Variants in BTBD2 observed in about 807,000 individuals in gnomAD.
The protein encoded by BTBD2 is BTB domain containing 2, also known as BTB/POZ domain-containing protein 2.
A neutral mutation model predicts 44.0 loss-of-function variants in BTBD2; 15 were observed. The observed-to-expected ratio is 0.34, with a 90% CI of 0.23 to 0.53. The LOEUF is 0.53. Ranked by LOEUF, BTBD2 falls within the 20% of genes least tolerant of loss-of-function variation. The probability of loss-of-function intolerance (pLI) is 0.95; values close to 1 mark genes in which losing one functional copy is unlikely to be tolerated. For missense variants in BTBD2, 657 were observed against 746.4 expected (o/e 0.88, Z 1.39); for synonymous variants, 443 against 335.9 (o/e 1.32, Z -3.49).
chr19:1,990,996 T>G (rs2016169436), intron 3 of BTBD2, 174 bp from the exon 4 acceptor site: 1 of 592,914 alleles, frequency 1.7e-6, no homozygotes. Flanking sequence ...GCCCAGAGAC[T>G]CCCCTGTGAC....
chr19:1,996,154 T>C (rs2016248676), intron 2 of BTBD2, among the ~76,000 whole-genome samples: 1 of 152,200 alleles, frequency 6.6e-6, no homozygotes, highest in African/African-American at 2.4e-5. Context: ...TTCCATTCCA[T>C]TGGTCCCCAC....
chr19:1,987,948 C>T, intron 5 of BTBD2: 1 of 509,074 alleles, frequency 2.0e-6, no homozygotes, highest in Non-Finnish European at 3.5e-6. Flanking sequence ...CTGACAGATG[C>T]ACTCACTCAG....
Position 2,001,357 on chromosome 19 carries a change from G to A in BTBD2, c.408-3894C>T, listed in dbSNP as rs138820791. Among the ~76,000 whole-genome samples the A allele has an allele frequency of 6.0e-3, 916 of 151,980 alleles. 8 individuals are homozygous for A. The highest frequency in any genetic ancestry group is 8.5e-3 in the Non-Finnish European group (579 of 67,962). ...TAAAAATACAAAATATTAGCCGGGC[G>A]TGGTGGCACCTGTAATCCCAGATAC... On this transcript the variant is annotated intron_variant, in intron 1 of 8. Transcript: ENST00000255608.
intron 1 of BTBD2, among the ~76,000 whole-genome samples, chr19:2,012,497 G>A (rs1267264465): frequency 6.6e-6 from 1 of 152,218 alleles, no homozygotes; most frequent in Admixed American, 6.5e-5. Flanking sequence ...CTGTTATTGT[G>A]AGAACAGGAG....
At chr19:1,993,888 T>C (rs1050433368) in intron 2 of BTBD2, among the ~76,000 whole-genome samples, 4 of 147,988 alleles carry the variant, frequency 2.7e-5, no homozygotes, top group African/African-American at 1.0e-4. Flanking sequence ...TCCCAGCTAC[T>C]TGGGAGGCTG....
intron 1 of BTBD2, among the ~76,000 whole-genome samples, chr19:2,014,998 G>A (rs2016514433): frequency 1.3e-5 from 2 of 150,994 alleles, no homozygotes; most frequent in Admixed American, 6.6e-5. Flanking sequence ...TGGAGTCTAG[G>A]GATGGAAGGG....
At position 1,993,238 on chromosome 19, in the gene BTBD2, G is replaced by A. The variant is rs550606866; in HGVS notation, c.528-62C>T. 107 of 1,539,992 alleles carry A rather than the reference G, an allele frequency of 6.9e-5. 1 individual carries two copies. In the Admixed American group the frequency reaches 1.8e-3, roughly 27 times the overall value. ...GCCATGCCCGCCCCCAGGGGAGAGCGTCAGGGGACCACTCAGACCGTTAGA... is the reference window on the plus strand; with the variant it reads ...GCCATGCCCGCCCCCAGGGGAGAGCATCAGGGGACCACTCAGACCGTTAGA... On this transcript the variant is annotated intron_variant, in intron 2 of 8. Coordinates refer to ENST00000255608, the MANE Select transcript of BTBD2 (RefSeq NM_017797.4).
intron 1 of BTBD2, among the ~76,000 whole-genome samples, chr19:2,001,866 T>G (rs2016334502): frequency 6.6e-6 from 1 of 151,192 alleles, no homozygotes; most frequent in Non-Finnish European, 1.5e-5. Context: ...GCCTCCCGAG[T>G]AGCTGGGACT....
chr19:2,000,812 T>C (rs1438752982), intron 1 of BTBD2, among the ~76,000 whole-genome samples: 2 of 152,126 alleles, frequency 1.3e-5, no homozygotes, highest in Admixed American at 6.6e-5. Flanking sequence ...ACAGACACGG[T>C]GCGACCACCC....
At chr19:2,013,600 G>T in intron 1 of BTBD2, 2 of 988,788 alleles carry the variant, frequency 2.0e-6, no homozygotes, top group Non-Finnish European at 2.4e-6. Flanking sequence ...GGAGGTGGGT[G>T]GTCACTGAAG....
chr19:2,008,644 T>G (rs2016425498), intron 1 of BTBD2, among the ~76,000 whole-genome samples: 1 of 136,714 alleles, frequency 7.3e-6, no homozygotes, highest in African/African-American at 2.9e-5. Context: ...CAGGATGGAG[T>G]GCAGTGGTAG....
chr19:2,009,745 A>C (rs193225511), intron 1 of BTBD2, among the ~76,000 whole-genome samples: 79 of 152,126 alleles, frequency 5.2e-4, no homozygotes, highest in Admixed American at 1.4e-3. Flanking sequence ...AGCTACTCAG[A>C]AGGCTGAGAC....
intron 6 of BTBD2, 83 bp downstream of exon 6, chr19:1,987,417 C>T: frequency 7.4e-7 from 1 of 1,346,014 alleles, no homozygotes; most frequent in Non-Finnish European, 1.0e-6. Flanking sequence ...GTTCTCCACC[C>T]CCATGCCCGG....
intron 7 of BTBD2, 58 bp from the exon 8 acceptor site, chr19:1,987,034 C>T (rs923779439): frequency 2.1e-5 from 34 of 1,594,824 alleles, no homozygotes; most frequent in Admixed American, 8.4e-5. Flanking sequence ...GGGGACCCCT[C>T]GAGGCCCAGC....
At chr19:2,005,164 G>T (rs1055894480) in intron 1 of BTBD2, among the ~76,000 whole-genome samples, 1 of 152,098 alleles carries the variant, frequency 6.6e-6, no homozygotes, top group East Asian at 1.9e-4. Flanking sequence ...TGTGAACCGC[G>T]GTTTGTTTCT....
In BTBD2 at chr19:1,987,517, C is replaced by T. The variant is rs762020595; in HGVS notation, c.1164G>A (p.Gly388=). 24 of 1,585,962 alleles carry T rather than the reference C, an allele frequency of 1.5e-5. No individual in the cohort carries two copies. Among genetic ancestry groups the T allele is most frequent in the South Asian group, 8.0e-5 (7 of 87,874 alleles). The change falls in exon 6 of 9, where the codon GGG becomes GGA. Residue 388 remains glycine, a synonymous_variant. Transcript: ENST00000255608. The part of the protein sequence containing the change: ...QQVESRWGYS[G]TSDRIRFSVN... The stretch of plus-strand genomic sequence containing the variant: ...AGCCCCACCTGATGCGGTCACTGGT[C>T]CCGCTGTAGCCCCAGCGACTCTCCA...
At chr19:2,002,487 G>C (rs998501345) in intron 1 of BTBD2, 2 of 152,272 alleles carry the variant, frequency 1.3e-5, no homozygotes, top group African/African-American at 4.8e-5. Flanking sequence ...ACTCGCCCCT[G>C]CAACAGGCAT....
chr19:2,006,506 CAAAA>C (rs549277311), intron 1 of BTBD2, among the ~76,000 whole-genome samples: 2 of 111,376 alleles, frequency 1.8e-5, no homozygotes, highest in Non-Finnish European at 1.9e-5. Flanking sequence ...GACTCCGTCT[CAAAA>C]AAAAAAAAAA....
In BTBD2 at chr19:1,986,117, A is replaced by G. The variant is rs2016075860; in HGVS notation, c.*371T>C. The G allele has an allele frequency of 4.1e-6, 1 of 244,660 alleles. No individual in the cohort carries two copies. The highest frequency in any genetic ancestry group is 7.3e-5 in the South Asian group (1 of 13,686). The allele number at this position is 244,660 out of a possible 1,614,324, so 15.2% of individuals were successfully genotyped here. A position where few individuals can be genotyped will look rare whatever the true frequency, so the allele number is the denominator to read the frequency against. On this transcript the variant is annotated 3_prime_UTR_variant, in exon 9 of 9. Coordinates refer to ENST00000255608, the MANE Select transcript of BTBD2 (RefSeq NM_017797.4). ...GAAATGGGAATCGCAAATGCATTGC[A>G]ATGTGCAGTGAAGAGACGCGAGGGA... is the stretch of plus-strand genomic sequence containing the variant.
Sources: gnomAD v4.1 joint callset for allele counts (sites outside exome capture counted in the v4.1 genomes callset) on GRCh38, gnomAD v4.1.1 for gene constraint, MANE v1.5 for transcripts, NCBI Gene and HGNC (gene_info 2026-07-23, HGNC 2026-07-21) for gene names.